NLRP2B: variants seen among roughly 807,000 people sequenced by gnomAD.
NLRP2B encodes NLR family pyrin domain containing 2B, also known as NLR family pyrin domain-containing protein 2B.
For synonymous variants in NLRP2B, 16 were observed against 3.5 expected, an observed-to-expected ratio of 4.63 and a Z score of -4.03; for missense variants, 25 against 6.8, an observed-to-expected ratio of 3.70 and a Z score of -3.00.
rs2011734135 is a variant in NLRP2B, at chrX:57,678,625, T to C, written c.*1498A>G. On this transcript the variant is annotated 3_prime_UTR_variant, in exon 1 of 1. Coordinates refer to ENST00000434992, the MANE Select transcript of NLRP2B (RefSeq NM_001319967.1). ...GTGTCTTGCTTGGATCAGGTCGGGGTTCTTGAGTCTTTCTTCTCTAGAAAA... is the reference window on the plus strand; with the variant it reads ...GTGTCTTGCTTGGATCAGGTCGGGGCTCTTGAGTCTTTCTTCTCTAGAAAA... 9 of 447,407 alleles carry C rather than the reference T, an allele frequency of 2.0e-5. No individual in the cohort carries two copies. Among genetic ancestry groups the C allele is most frequent in the Admixed American group, 9.2e-5 (3 of 32,757 alleles). 36.9% of individuals were successfully genotyped at this position (447,407 alleles called of 1,213,427 possible).
At position 57,679,794 on chromosome X, in the gene NLRP2B, C is replaced by T. The variant is rs1603000446; in HGVS notation, c.*329G>A. ...TCTTCAATATACTCCTGTACCTATC[C>T]TCTTTACCTGGCTTTTCTCCTTTCA... On this transcript the variant is annotated 3_prime_UTR_variant, in exon 1 of 1. Transcript: ENST00000434992. The T allele has an allele frequency of 3.3e-6, 1 of 306,133 alleles. No individual in the cohort carries two copies. The allele number at this position is 306,133 out of a possible 1,213,427, so 25.2% of individuals were successfully genotyped here.
At position 57,677,429 on chromosome X, in the gene NLRP2B, GC is replaced by G; in HGVS notation, c.*2693del. On this transcript the variant is annotated 3_prime_UTR_variant, in exon 1 of 1. Coordinates refer to ENST00000434992, the MANE Select transcript of NLRP2B (RefSeq NM_001319967.1). ...GGTTTCTTCAAAGCCTCACATAGGA[GC>G]TTCACTCCAGTAACTCCTATGTGAT... 2 of 345,609 alleles carry G rather than the reference GC, an allele frequency of 5.8e-6. No homozygotes were observed. The allele number at this position is 345,609 out of a possible 1,213,427, so 28.5% of individuals were successfully genotyped here.
In NLRP2B at chrX:57,678,846, C is replaced by A; in HGVS notation, c.*1277G>T. ...CCAGGGACGGGCGGATGTTGAACTC[C>A]TGCACCCCGAGCCTCGCCAAGTCCT... is the stretch of plus-strand genomic sequence containing the variant. On this transcript the variant is annotated 3_prime_UTR_variant, in exon 1 of 1. Transcript: ENST00000434992. The A allele has an allele frequency of 2.7e-6, 1 of 365,707 alleles. No homozygotes were observed. Among genetic ancestry groups the A allele is most frequent in the East Asian group, 6.1e-5 (1 of 16,370 alleles). The allele number at this position is 365,707 out of a possible 1,213,427, so 30.1% of individuals were successfully genotyped here.
At position 57,679,527 on chromosome X, in the gene NLRP2B, G is replaced by A. The variant is rs2011750505; in HGVS notation, c.*596C>T. Reference sequence around the variant, plus strand: ...GGCCCAGGCAGATGAGCTCCTTGCAGGTGAGGTAGAAAGCCTATCTAAATT... The same window carrying A: ...GGCCCAGGCAGATGAGCTCCTTGCAAGTGAGGTAGAAAGCCTATCTAAATT... On this transcript the variant is annotated 3_prime_UTR_variant, in exon 1 of 1. Transcript: ENST00000434992. 1.5e-6 allele frequency: 1 copy of A among 661,941 alleles called. No homozygotes were observed. Among genetic ancestry groups the A allele is most frequent in the Non-Finnish European group, 2.5e-6 (1 of 406,478 alleles). 54.6% of individuals were successfully genotyped at this position (661,941 alleles called of 1,213,427 possible). A position where few individuals can be genotyped will look rare whatever the true frequency, so the allele number is the denominator to read the frequency against.
In NLRP2B at chrX:57,679,619, C is replaced by T. The variant is rs757221428; in HGVS notation, c.*504G>A. On this transcript the variant is annotated 3_prime_UTR_variant, in exon 1 of 1. Coordinates refer to ENST00000434992, the MANE Select transcript of NLRP2B (RefSeq NM_001319967.1). The stretch of plus-strand genomic sequence containing the variant: ...TTGGCCAGCGTGGTTTTCCCAAGGC[C>T]CGCAGGACCATGCAGCACCACCGTG... The T allele has an allele frequency of 1.0e-5, 5 of 490,162 alleles. No homozygotes were observed. The highest frequency in any genetic ancestry group is 2.4e-5 in the African/African-American group (1 of 42,307). 40.4% of individuals were successfully genotyped at this position (490,162 alleles called of 1,213,427 possible).
chrX:57,678,824 G>T lies in NLRP2B; in HGVS notation c.*1299C>A. Reference sequence around the variant, plus strand: ...TCCTGGCGGAGGATGTCTCTGTCCAGGGACGGGCGGATGTTGAACTCCTGC... The same window carrying T: ...TCCTGGCGGAGGATGTCTCTGTCCATGGACGGGCGGATGTTGAACTCCTGC... On this transcript the variant is annotated 3_prime_UTR_variant, in exon 1 of 1. Transcript: ENST00000434992. 1 of 369,855 alleles carries T rather than the reference G, an allele frequency of 2.7e-6. No individual in the cohort carries two copies. The highest frequency in any genetic ancestry group is 6.1e-5 in the East Asian group (1 of 16,436). The allele number at this position is 369,855 out of a possible 1,213,427, so 30.5% of individuals were successfully genotyped here.
In NLRP2B at chrX:57,677,994, A is replaced by G. The variant is rs2011724055; in HGVS notation, c.*2129T>C. 1.5e-5 allele frequency: 7 copies of G among 474,271 alleles called. No homozygotes were observed. Among genetic ancestry groups the G allele is most frequent in the Non-Finnish European group, 2.7e-5 (7 of 259,717 alleles). The allele number at this position is 474,271 out of a possible 1,213,427, so 39.1% of individuals were successfully genotyped here. A position where few individuals can be genotyped will look rare whatever the true frequency, so the allele number is the denominator to read the frequency against. On this transcript the variant is annotated 3_prime_UTR_variant, in exon 1 of 1. Transcript: ENST00000434992. ...TGCCTTGAAGGGTCAGATATCTTAC[A>G]GTCTTGTGACCTCAAAGAGCTAGGC...
chrX:57,679,896 C>T lies in NLRP2B; in HGVS notation c.*227G>A, dbSNP rs1335818896. On this transcript the variant is annotated 3_prime_UTR_variant, in exon 1 of 1. Coordinates refer to ENST00000434992, the MANE Select transcript of NLRP2B (RefSeq NM_001319967.1). ...ACTCTAGTGCTTCTGCTTCGAAACG[C>T]CCCAGCATTTGTTTCAGGTCTATAG... 1.7e-5 allele frequency: 5 copies of T among 292,167 alleles called. No individual in the cohort carries two copies. Among genetic ancestry groups the T allele is most frequent in the East Asian group, 1.1e-4 (2 of 18,902 alleles). The allele number at this position is 292,167 out of a possible 1,213,427, so 24.1% of individuals were successfully genotyped here.
rs908176097 is a variant in NLRP2B, at chrX:57,680,071, G to A, written c.*52C>T. 2.3e-6 allele frequency: 1 copy of A among 433,573 alleles called. No individual in the cohort carries two copies. The highest frequency in any genetic ancestry group is 4.1e-6 in the Non-Finnish European group (1 of 242,802). The allele number at this position is 433,573 out of a possible 1,213,427, so 35.7% of individuals were successfully genotyped here. ...GTCTCTATCTTCATCCAGTAGCTGTGGCAATGGCTGGTGATGATTTCTGCC... is the reference window on the plus strand; with the variant it reads ...GTCTCTATCTTCATCCAGTAGCTGTAGCAATGGCTGGTGATGATTTCTGCC... On this transcript the variant is annotated 3_prime_UTR_variant, in exon 1 of 1. Coordinates refer to ENST00000434992, the MANE Select transcript of NLRP2B (RefSeq NM_001319967.1).
chrX:57,677,733 C>T lies in NLRP2B; in HGVS notation c.*2390G>A, dbSNP rs1602999043. On this transcript the variant is annotated 3_prime_UTR_variant, in exon 1 of 1. Coordinates refer to ENST00000434992, the MANE Select transcript of NLRP2B (RefSeq NM_001319967.1). ...AGTGACAGTTTTCCAACAACAACCT[C>T]GGCAGGAAGCATTTTGGGTGTCTCA... is the stretch of plus-strand genomic sequence containing the variant. 7.6e-6 allele frequency: 3 copies of T among 396,172 alleles called. No homozygotes were observed. The highest frequency in any genetic ancestry group is 5.7e-5 in the Admixed American group (2 of 35,283). The allele number at this position is 396,172 out of a possible 1,213,427, so 32.6% of individuals were successfully genotyped here.
chrX:57,677,530 G>A lies in NLRP2B; in HGVS notation c.*2593C>T, dbSNP rs932220327. 3.1e-6 allele frequency: 1 copy of A among 321,112 alleles called. No individual in the cohort carries two copies. The highest frequency in any genetic ancestry group is 3.3e-5 in the South Asian group (1 of 30,664). The allele number at this position is 321,112 out of a possible 1,213,427, so 26.5% of individuals were successfully genotyped here. A position where few individuals can be genotyped will look rare whatever the true frequency, so the allele number is the denominator to read the frequency against. ...TGCGAGATAACAGCAGCCATTGCTA[G>A]TTATGTCGCAGTCCCACAGCACCAG... is the stretch of plus-strand genomic sequence containing the variant. On this transcript the variant is annotated 3_prime_UTR_variant, in exon 1 of 1. Transcript: ENST00000434992.
Position 57,678,268 on chromosome X carries a change from T to G in NLRP2B, c.*1855A>C. 1 of 539,138 alleles carries G rather than the reference T, an allele frequency of 1.9e-6. No homozygotes were observed. The highest frequency in any genetic ancestry group is 3.4e-6 in the Non-Finnish European group (1 of 292,700). 44.4% of individuals were successfully genotyped at this position (539,138 alleles called of 1,213,427 possible). On this transcript the variant is annotated 3_prime_UTR_variant, in exon 1 of 1. Transcript: ENST00000434992. ...AGCATCTGATTCAGACACAGTGACA[T>G]TCTCTGGGAGCTTTGCCTTTGCTGC...
chrX:57,677,914 C>T lies in NLRP2B; in HGVS notation c.*2209G>A, dbSNP rs1035987078. The stretch of plus-strand genomic sequence containing the variant: ...CACCAACCCGAGATATTGCAGGTTA[C>T]ATTTTGAGTGTCTCAAGACCTTACA... On this transcript the variant is annotated 3_prime_UTR_variant, in exon 1 of 1. Coordinates refer to ENST00000434992, the MANE Select transcript of NLRP2B (RefSeq NM_001319967.1). 12 of 444,632 alleles carry T rather than the reference C, an allele frequency of 2.7e-5. No individual in the cohort carries two copies. Among genetic ancestry groups the T allele is most frequent in the Admixed American group, 1.1e-4 (4 of 35,258 alleles). 36.6% of individuals were successfully genotyped at this position (444,632 alleles called of 1,213,427 possible). A position where few individuals can be genotyped will look rare whatever the true frequency, so the allele number is the denominator to read the frequency against.
rs2011754479 is a variant in NLRP2B, at chrX:57,679,788, C to G, written c.*335G>C. 6.3e-6 allele frequency: 2 copies of G among 317,172 alleles called. No individual in the cohort carries two copies. Among genetic ancestry groups the G allele is most frequent in the Non-Finnish European group, 1.1e-5 (2 of 181,394 alleles). 26.1% of individuals were successfully genotyped at this position (317,172 alleles called of 1,213,427 possible). ...ACTTCGTCTTCAATATACTCCTGTA[C>G]CTATCCTCTTTACCTGGCTTTTCTC... On this transcript the variant is annotated 3_prime_UTR_variant, in exon 1 of 1. Coordinates refer to ENST00000434992, the MANE Select transcript of NLRP2B (RefSeq NM_001319967.1).
In NLRP2B at chrX:57,678,263, TG is replaced by T. The variant is rs1359291716; in HGVS notation, c.*1859del. 1 of 537,514 alleles carries T rather than the reference TG, an allele frequency of 1.9e-6. No individual in the cohort carries two copies. The highest frequency in any genetic ancestry group is 3.4e-6 in the Non-Finnish European group (1 of 292,630). 44.3% of individuals were successfully genotyped at this position (537,514 alleles called of 1,213,427 possible). ...ACTTCAGCATCTGATTCAGACACAGTGACATTCTCTGGGAGCTTTGCCTTTG... is the reference window on the plus strand; with the variant it reads ...ACTTCAGCATCTGATTCAGACACAGTACATTCTCTGGGAGCTTTGCCTTTG... On this transcript the variant is annotated 3_prime_UTR_variant, in exon 1 of 1. Transcript: ENST00000434992.
Position 57,679,305 on chromosome X carries a change from C to A in NLRP2B, c.*818G>T, listed in dbSNP as rs1603000152. ...TGGGTAAAATCTTCCTCTTCAGTAA[C>A]CTCCCCAAGAAGACCGGCACCGGCT... On this transcript the variant is annotated 3_prime_UTR_variant, in exon 1 of 1. Transcript: ENST00000434992. 1 of 515,405 alleles carries A rather than the reference C, an allele frequency of 1.9e-6. No individual in the cohort carries two copies. Among genetic ancestry groups the A allele is most frequent in the South Asian group, 2.7e-5 (1 of 37,634 alleles). The allele number at this position is 515,405 out of a possible 1,213,427, so 42.5% of individuals were successfully genotyped here.
Position 57,678,768 on chromosome X carries a change from G to A in NLRP2B, c.*1355C>T. ...TGAAAAACTGCTGGAAGCTGAGGTG[G>A]ATGTAGGAATAGCAGCCTTTAGAGA... On this transcript the variant is annotated 3_prime_UTR_variant, in exon 1 of 1. Transcript: ENST00000434992. 5.0e-6 allele frequency: 2 copies of A among 399,526 alleles called. No individual in the cohort carries two copies. The highest frequency in any genetic ancestry group is 9.4e-6 in the Non-Finnish European group (2 of 213,467). 32.9% of individuals were successfully genotyped at this position (399,526 alleles called of 1,213,427 possible).
chrX:57,677,753 G>T lies in NLRP2B; in HGVS notation c.*2370C>A, dbSNP rs1222486186. The T allele has an allele frequency of 2.1e-5, 9 of 419,325 alleles. 1 individual carries two copies. The highest frequency in any genetic ancestry group is 4.1e-5 in the Non-Finnish European group (9 of 219,139). The allele number at this position is 419,325 out of a possible 1,213,427, so 34.6% of individuals were successfully genotyped here. A position where few individuals can be genotyped will look rare whatever the true frequency, so the allele number is the denominator to read the frequency against. The stretch of plus-strand genomic sequence containing the variant: ...AACCTCGGCAGGAAGCATTTTGGGT[G>T]TCTCAAAGTTGTGTACAGCAACTTG... On this transcript the variant is annotated 3_prime_UTR_variant, in exon 1 of 1. Coordinates refer to ENST00000434992, the MANE Select transcript of NLRP2B (RefSeq NM_001319967.1).
chrX:57,677,827 G>T lies in NLRP2B; in HGVS notation c.*2296C>A. The T allele has an allele frequency of 2.3e-6, 1 of 437,091 alleles. No homozygotes were observed. The highest frequency in any genetic ancestry group is 4.3e-6 in the Non-Finnish European group (1 of 231,564). The allele number at this position is 437,091 out of a possible 1,213,427, so 36.0% of individuals were successfully genotyped here. ...GTGAGAGAGGTTTACACATGTCAGGGACTGGTTGACTTCAAGGGCCAAGGA... is the reference window on the plus strand; with the variant it reads ...GTGAGAGAGGTTTACACATGTCAGGTACTGGTTGACTTCAAGGGCCAAGGA... On this transcript the variant is annotated 3_prime_UTR_variant, in exon 1 of 1. Coordinates refer to ENST00000434992, the MANE Select transcript of NLRP2B (RefSeq NM_001319967.1).
Sources: gnomAD v4.1 joint callset for allele counts on GRCh38, gnomAD v4.1.1 for gene constraint, MANE v1.5 for transcripts, NCBI Gene and HGNC (gene_info 2026-07-23, HGNC 2026-07-21) for gene names.